Variants in SRCAP observed in about 807,000 individuals in gnomAD.
The protein encoded by SRCAP is Snf2 related CREBBP activator protein.
Under a neutral mutation model 263.1 loss-of-function variants are expected in SRCAP, and 46 were observed. That is an observed-to-expected ratio of 0.17 (90% CI 0.14 to 0.22). The LOEUF (loss-of-function observed/expected upper bound fraction) is 0.22, where lower values mean the gene tolerates loss of function less well. Ranked by LOEUF, SRCAP falls within the 10% of genes least tolerant of loss-of-function variation. The pLI is 1.00. For synonymous variants in SRCAP, 1,813 were observed against 1,662.1 expected, an observed-to-expected ratio of 1.09 and a Z score of -2.21; for missense variants, 3,695 against 4,181.9, an observed-to-expected ratio of 0.88 and a Z score of 3.21.
At chr16:30,729,639 C>A in intron 27 of SRCAP, 67 bp downstream of exon 27, 1 of 1,566,286 alleles carries the variant, frequency 6.4e-7, no homozygotes, top group South Asian at 1.1e-5. Flanking sequence ...ACTGTTGTAT[C>A]AGAGGGATGC....
chr16:30,722,715 A>G lies in SRCAP; in HGVS notation c.3859A>G (p.Thr1287Ala), dbSNP rs907479735. 8.7e-6 allele frequency: 14 copies of G among 1,612,384 alleles called. No homozygotes were observed. Among genetic ancestry groups the G allele is most frequent in the Non-Finnish European group, 1.1e-5 (13 of 1,179,390 alleles). ...SSTPSTTPAP[T>A]GLSLPLAANQ... Reference sequence around the variant, plus strand: ...GACCCCCAGCACCACCCCTGCCCCTACTGGCCTCAGCCTTCCGCTTGCTGC... The same window carrying G: ...GACCCCCAGCACCACCCCTGCCCCTGCTGGCCTCAGCCTTCCGCTTGCTGC... The change falls in exon 23 of 34, where the codon ACT (threonine) becomes GCT (alanine). Residue 1287 changes from threonine (T) to alanine (A), a missense_variant. Coordinates refer to ENST00000262518, the MANE Select transcript of SRCAP (RefSeq NM_006662.3).
chr16:30,722,657 T>C lies in SRCAP; in HGVS notation c.3801T>C (p.Pro1267=). 1 of 1,613,950 alleles carries C rather than the reference T, an allele frequency of 6.2e-7. No homozygotes were observed. Among genetic ancestry groups the C allele is most frequent in the Non-Finnish European group, 8.5e-7 (1 of 1,179,976 alleles). ...VALIQAVAPT[P]GPTPVSVLPS... ...TCATCCAGGCCGTGGCCCCGACCCC[T>C]GGCCCTACCCCTGTCTCTGTGCTGC... Residue 1267 remains proline, a synonymous_variant, in exon 23 of 34, where the codon CCT becomes CCC. Coordinates refer to ENST00000262518, the MANE Select transcript of SRCAP (RefSeq NM_006662.3).
chr16:30,702,096 G>A (rs2052773267), intron 3 of SRCAP, among the ~76,000 whole-genome samples: 1 of 151,906 alleles, frequency 6.6e-6, no homozygotes, highest in Non-Finnish European at 1.5e-5. Context: ...TGGGACTACA[G>A]GTGCGCGCCA....
chr16:30,736,484 G>A (rs2053161697), intron 32 of SRCAP, 57 bp from the exon 33 acceptor site: 1 of 1,612,272 alleles, frequency 6.2e-7, no homozygotes, highest in South Asian at 1.1e-5. Flanking sequence ...ATAAATAAGG[G>A]TGGTGGGGCC....
rs2053184582 is a variant in SRCAP, at chr16:30,738,537, C to T, written c.8497C>T (p.Leu2833=). The T allele has an allele frequency of 1.2e-6, 2 of 1,611,938 alleles. No homozygotes were observed. The highest frequency in any genetic ancestry group is 1.7e-6 in the Non-Finnish European group (2 of 1,178,884). The change falls in exon 34 of 34, where the codon CTG becomes TTG. Residue 2833 remains leucine, a synonymous_variant. Transcript: ENST00000262518. ...CTTCATTGCTCGCCGTCACATTGAG[C>T]TGGGGGTGACTGGTGGTGGCAGCCC... ...QPFIARRHIE[L]GVTGGGSPEN...
chr16:30,720,678 C>T (rs1335812431), intron 19 of SRCAP, 35 bp from the exon 20 acceptor site: 15 of 1,549,178 alleles, frequency 9.7e-6, no homozygotes, highest in Non-Finnish European at 1.2e-5. Flanking sequence ...TATTCTCCTT[C>T]TGTCCCTACC....
Position 30,720,729 on chromosome 16 carries a change from C to T in SRCAP, c.3004C>T (p.Pro1002Ser), listed in dbSNP as rs2053003103. The change falls in exon 20 of 34, where the codon CCT becomes TCT. Residue 1002 changes from proline (P) to serine (S), a missense_variant. Around this residue, in one of 12 missense-constraint regions of SRCAP, gnomAD observed 1,347 missense variants for 1,304.4 expected, o/e 1.03. Transcript: ENST00000262518. ...MKVNRMLQPV[P>S]KQEGRTVVVV... ...TTCTCACAGGATGCTGCAGCCAGTACCTAAGCAAGAAGGCCGGACAGTGGT... is the reference window on the plus strand; with the variant it reads ...TTCTCACAGGATGCTGCAGCCAGTATCTAAGCAAGAAGGCCGGACAGTGGT... 6.8e-6 allele frequency: 11 copies of T among 1,607,462 alleles called. No individual in the cohort carries two copies. Among genetic ancestry groups the T allele is most frequent in the Non-Finnish European group, 9.4e-6 (11 of 1,175,972 alleles).
At chr16:30,729,632 G>A in intron 27 of SRCAP, 60 bp downstream of exon 27, 1 of 1,581,972 alleles carries the variant, frequency 6.3e-7, no homozygotes, top group South Asian at 1.1e-5. Flanking sequence ...TATTAAGACT[G>A]TTGTATCAGA....
chr16:30,733,365 G>T lies in SRCAP; in HGVS notation c.6213G>T (p.Met2071Ile). 6.2e-7 allele frequency: 1 copy of T among 1,614,158 alleles called. No homozygotes were observed. The change falls in exon 28 of 34, where the codon ATG becomes ATT. Residue 2071 changes from methionine (M) to isoleucine (I), a missense_variant. By Grantham distance (10) the Met-to-Ile change is conservative (BLOSUM62 1). This residue lies in a region of SRCAP where 138 missense variants were observed against 254.9 expected (regional missense o/e 0.54). Coordinates refer to ENST00000262518, the MANE Select transcript of SRCAP (RefSeq NM_006662.3). The surrounding 1 kb of genome is among the most constrained non-coding windows in gnomAD (Gnocchi z 5.3). ...RVLIFTQMTR[M>I]LDVLEQFLTY... ...TCATCTTCACCCAGATGACCCGAAT[G>T]CTGGATGTATTGGAGCAGTTTCTCA...
Position 30,739,244 on chromosome 16 carries a change from C to G in SRCAP, c.9204C>G (p.Arg3068=), listed in dbSNP as rs755182781. 1.1e-5 allele frequency: 18 copies of G among 1,613,662 alleles called. No homozygotes were observed. The highest frequency in any genetic ancestry group is 4.0e-5 in the African/African-American group (3 of 74,944). The change falls in exon 34 of 34, where the codon CGC becomes CGG. Residue 3068 remains arginine, a synonymous_variant. Transcript: ENST00000262518. ...GCCGCCCCCTCACCCGCCTGGCCCG[C>G]CTTCGGCTTGAAGCAGAAGGAATGC... The part of the protein sequence containing the change: ...DGSRPLTRLA[R]LRLEAEGMRG...
chr16:30,734,404 C>T, intron 30 of SRCAP, 92 bp from the exon 31 acceptor site: 1 of 1,555,226 alleles, frequency 6.4e-7, no homozygotes, highest in Non-Finnish European at 8.7e-7. Flanking sequence ...CCAGTGGTAC[C>T]CCTGACAGTT....
chr16:30,737,772 T>A lies in SRCAP; in HGVS notation c.7732T>A (p.Ser2578Thr), dbSNP rs2151300350. ...SVASSETSSL[S>T]LVPPKDLLPV... ...GGCCAGTTCAGAAACCTCCTCACTT[T>A]CTCTTGTGCCCCCTAAAGATCTGTT... Residue 2578 changes from serine (S) to threonine (T), a missense_variant, in exon 34 of 34, where the codon TCT (serine) becomes ACT (threonine). Physicochemically the swap from Ser to Thr is moderately conservative, Grantham distance 58. This residue lies in a region of SRCAP where 1,207 missense variants were observed against 1,142.9 expected (regional missense o/e 1.06). Coordinates refer to ENST00000262518, the MANE Select transcript of SRCAP (RefSeq NM_006662.3). The A allele has an allele frequency of 1.2e-6, 2 of 1,614,142 alleles. No homozygotes were observed. Among genetic ancestry groups the A allele is most frequent in the Non-Finnish European group, 1.7e-6 (2 of 1,180,028 alleles).
intron 18 of SRCAP, among the ~76,000 whole-genome samples, chr16:30,717,505 G>GC (rs1453244109): frequency 1.3e-5 from 2 of 150,818 alleles, no homozygotes; most frequent in Non-Finnish European, 2.9e-5. Context: ...AGAGTTCAGT[G>GC]GTATGATCAT....
At position 30,729,453 on chromosome 16, in the gene SRCAP, A is replaced by G. The variant is rs1248692553; in HGVS notation, c.6008A>G (p.Gln2003Arg). Residue 2003 changes from glutamine (Q) to arginine (R), a missense_variant, in exon 27 of 34, where the codon CAG becomes CGG. Physicochemically the swap from Gln to Arg is conservative, Grantham distance 43. Transcript: ENST00000262518. Reference sequence around the variant, plus strand: ...CCACCTCCTTGGCTGGCCCCACGTCAGGCAGCCTTCCAGGAGCAATTGGCC... The same window carrying G: ...CCACCTCCTTGGCTGGCCCCACGTCGGGCAGCCTTCCAGGAGCAATTGGCC... ...CHPPPWLAPR[Q>R]AAFQEQLASE... The G allele has an allele frequency of 1.2e-6, 2 of 1,613,938 alleles. No individual in the cohort carries two copies. Among genetic ancestry groups the G allele is most frequent in the Admixed American group, 1.7e-5 (1 of 59,994 alleles).
intron 4 of SRCAP, among the ~76,000 whole-genome samples, chr16:30,705,567 AT>A (rs1469537420): frequency 2.0e-5 from 3 of 147,888 alleles, no homozygotes; most frequent in Non-Finnish European, 4.5e-5. Flanking sequence ...ACCCGGCTAA[AT>A]TTTTTGTATT....
intron 16 of SRCAP, among the ~76,000 whole-genome samples, chr16:30,714,749 G>T (rs2052929327): frequency 6.6e-6 from 1 of 151,276 alleles, no homozygotes; most frequent in Non-Finnish European, 1.5e-5. Context: ...GATCCGCCCT[G>T]CCCCCGCTTG....
At chr16:30,715,415 A>G (rs1002273694) in intron 16 of SRCAP, among the ~76,000 whole-genome samples, 3 of 151,148 alleles carry the variant, frequency 2.0e-5, no homozygotes, top group African/African-American at 4.9e-5. Context: ...AATACAAAAA[A>G]TTAGCCGGGC....
intron 4 of SRCAP, among the ~76,000 whole-genome samples, chr16:30,706,449 A>G (rs2052828200): frequency 6.6e-6 from 1 of 152,162 alleles, no homozygotes; most frequent in Admixed American, 6.5e-5. Context: ...TCTGAGTGAG[A>G]TTCAGAAAAA....
rs1250398696 is a variant in SRCAP at position 30,720,866 on chromosome 16, A to G, written c.3141A>G (p.Ala1047=). The G allele has an allele frequency of 6.2e-7, 1 of 1,614,042 alleles. No homozygotes were observed. Among genetic ancestry groups the G allele is most frequent in the Non-Finnish European group, 8.5e-7 (1 of 1,180,002 alleles). Residue 1047 remains alanine, a synonymous_variant, in exon 20 of 34, where the codon GCA becomes GCG. Coordinates refer to ENST00000262518, the MANE Select transcript of SRCAP (RefSeq NM_006662.3). ...TPGPVPQVLP[A]SLMVSASPAG... ...GCCCAGTCCCCCAAGTGCTGCCAGC[A>G]TCACTGATGGTTTCAGCCTCACCTG...
Sources: gnomAD v4.1 joint callset for allele counts (sites outside exome capture counted in the v4.1 genomes callset) on GRCh38, gnomAD v4.1.1 for gene constraint, gnomAD v4.1.1 regional missense constraint, Gnocchi (gnomAD v3.1) non-coding constraint, MANE v1.5 for transcripts, NCBI Gene and HGNC (gene_info 2026-07-23, HGNC 2026-07-21) for gene names.